PDK1: variants seen among roughly 807,000 people sequenced by gnomAD.
PDK1 encodes [Pyruvate dehydrogenase (acetyl-transferring)] kinase isozyme 1, mitochondrial.
A neutral mutation model predicts 54.2 loss-of-function variants in PDK1; 39 were observed. The ratio of observed to expected loss-of-function variants is 0.72; its 90% CI spans 0.56 to 0.94. The LOEUF (loss-of-function observed/expected upper bound fraction) is 0.94. Among genes scored for constraint, PDK1 ranks in the 40% least tolerant of loss-of-function variants. The pLI, the probability that PDK1 is intolerant of heterozygous loss-of-function variation, is 0.00. For synonymous variants in PDK1, 221 were observed against 207.1 expected (o/e 1.07, Z -0.58); for missense variants, 552 against 566.0 (o/e 0.98, Z 0.25).
chr2:172,675,233 A>G, the PDK1 span, among the ~76,000 whole-genome samples: 2 of 152,118 alleles, frequency 1.3e-5, no homozygotes, highest in Admixed American at 6.5e-5. Context: ...TAATAACCCT[A>G]TAGTGGCCTC....
At position 172,562,685 on chromosome 2, in the gene PDK1, A is replaced by G. The variant is rs1688719870; in HGVS notation, c.410+394A>G. 4 of 964,878 alleles carry G rather than the reference A, an allele frequency of 4.1e-6. No individual in the cohort carries two copies. In the Admixed American group the frequency reaches 7.5e-5, roughly 18 times the overall value. The allele number at this position is 964,878 out of a possible 1,614,324, so 59.8% of individuals were successfully genotyped here. A position where few individuals can be genotyped will look rare whatever the true frequency, so the allele number is the denominator to read the frequency against. On this transcript the variant is annotated intron_variant, in intron 3 of 10. Transcript: ENST00000282077. ...AGCTACAAGTCTAGATTTGTAATGT[A>G]AAATCTCTCACTTTTGAAAGATTGG... is the stretch of plus-strand genomic sequence containing the variant.
the PDK1 span, among the ~76,000 whole-genome samples, chr2:172,650,306 C>T: frequency 1.3e-5 from 2 of 152,168 alleles, no homozygotes; most frequent in Admixed American, 6.5e-5. Context: ...CACCACCAGG[C>T]CTGCCTTGCA....
chr2:172,640,142 G>T, the PDK1 span, among the ~76,000 whole-genome samples: 34 of 152,326 alleles, frequency 2.2e-4, no homozygotes, highest in Non-Finnish European at 4.7e-4. Context: ...ATGGACTACT[G>T]CCAGGAAATT....
At chr2:172,713,261 G>C in the PDK1 span, among the ~76,000 whole-genome samples, 1 of 152,222 alleles carries the variant, frequency 6.6e-6, no homozygotes, top group Non-Finnish European at 1.5e-5. Flanking sequence ...TGTGCTGATT[G>C]GTCCATGAGC....
At chr2:172,662,805 G>A in the PDK1 span, among the ~76,000 whole-genome samples, 1 of 151,986 alleles carries the variant, frequency 6.6e-6, no homozygotes, top group South Asian at 2.1e-4. Context: ...TGCATGACTA[G>A]GCCTTTTCCC....
At chr2:172,703,875 T>C in the PDK1 span, among the ~76,000 whole-genome samples, 2 of 148,494 alleles carry the variant, frequency 1.3e-5, no homozygotes, top group Non-Finnish European at 3.0e-5. Context: ...CAAGTTCAAG[T>C]GATTCTCCTG....
rs1691058298 is a variant in PDK1 at position 172,599,966 on chromosome 2, G to A, written c.*3997G>A. On this transcript the variant is annotated 3_prime_UTR_variant, in exon 11 of 11. Coordinates refer to ENST00000282077, the MANE Select transcript of PDK1 (RefSeq NM_002610.5). ...TCACCCCAGTAAAATAAACTTCCAC[G>A]TGAGAGTTGTGTTCATTCAAGGGTT... 6.6e-6 allele frequency: 1 copy of A among 152,174 alleles called. No individual in the cohort carries two copies. The highest frequency in any genetic ancestry group is 1.5e-5 in the Non-Finnish European group (1 of 68,038). 9.4% of individuals were successfully genotyped at this position (152,174 alleles called of 1,614,324 possible).
rs769489897 is a variant in PDK1, at chr2:172,603,933, C to G, written c.*7964C>G. ...TCCATTTATATTTGGCTGGTAAGAT[C>G]GATGCTTCTGTCACTACTGATGGGC... On this transcript the variant is annotated 3_prime_UTR_variant, in exon 11 of 11. Coordinates refer to ENST00000282077, the MANE Select transcript of PDK1 (RefSeq NM_002610.5). 6.6e-6 allele frequency: 1 copy of G among 152,022 alleles called. No homozygotes were observed. The highest frequency in any genetic ancestry group is 2.1e-4 in the South Asian group (1 of 4,816). The allele number at this position is 152,022 out of a possible 1,614,324, so 9.4% of individuals were successfully genotyped here.
chr2:172,702,831 A>T, the PDK1 span, among the ~76,000 whole-genome samples: 42 of 152,144 alleles, frequency 2.8e-4, no homozygotes, highest in Non-Finnish European at 5.4e-4. Context: ...GGGCAAAACC[A>T]CTGGTACCCT....
At chr2:172,653,653 C>G in the PDK1 span, among the ~76,000 whole-genome samples, 1 of 151,844 alleles carries the variant, frequency 6.6e-6, no homozygotes, top group Non-Finnish European at 1.5e-5. Flanking sequence ...AAATGTTAGA[C>G]CTAAAACCAT....
chr2:172,716,981 C>T, the PDK1 span, among the ~76,000 whole-genome samples: 4 of 152,128 alleles, frequency 2.6e-5, no homozygotes, highest in African/African-American at 9.7e-5. Flanking sequence ...TTGGAGTACT[C>T]GTATTTATTT....
At chr2:172,698,542 C>T in the PDK1 span, among the ~76,000 whole-genome samples, 28,773 of 152,198 alleles carry the variant, frequency 0.19, 3,309 homozygotes, top group African/African-American at 0.32. Context: ...TTATATTCTT[C>T]TAAGCCTAAT....
the PDK1 span, among the ~76,000 whole-genome samples, chr2:172,707,850 G>T: frequency 1.3e-5 from 2 of 152,190 alleles, no homozygotes; most frequent in East Asian, 3.8e-4. Flanking sequence ...TTAGAAAATA[G>T]AAATGTTTGC....
downstream of PDK1, among the ~76,000 whole-genome samples, chr2:172,611,523 G>A (rs556543535): frequency 1.2e-4 from 18 of 152,140 alleles, 1 homozygote; most frequent in South Asian, 2.5e-3. Context: ...AGTCTTTTCC[G>A]GAAAATAGAA....
At chr2:172,693,484 T>C in the PDK1 span, among the ~76,000 whole-genome samples, 1 of 152,254 alleles carries the variant, frequency 6.6e-6, no homozygotes, top group Admixed American at 6.5e-5. Context: ...ATAGGGTTGT[T>C]GTGAAAATTA....
chr2:172,619,654 ATAT>A, the PDK1 span, among the ~76,000 whole-genome samples: 1 of 152,158 alleles, frequency 6.6e-6, no homozygotes. Flanking sequence ...ATATCTCAAA[ATAT>A]TATCTCGCCA....
the PDK1 span, among the ~76,000 whole-genome samples, chr2:172,691,564 T>TATTC: frequency 3.9e-5 from 6 of 152,346 alleles, no homozygotes; most frequent in South Asian, 1.2e-3. Flanking sequence ...GTGCTCTGCC[T>TATTC]ATTCATCCCT....
intron 8 of PDK1, among the ~76,000 whole-genome samples, chr2:172,582,482 G>A (rs1265485211): frequency 2.0e-5 from 3 of 152,312 alleles, no homozygotes; most frequent in East Asian, 3.9e-4. Context: ...TTGACAAGTG[G>A]TGCTTTTGTG....
chr2:172,571,148 T>C (rs1417020642), intron 8 of PDK1, among the ~76,000 whole-genome samples: 1 of 152,200 alleles, frequency 6.6e-6, no homozygotes, highest in Non-Finnish European at 1.5e-5. Context: ...TAGTATTTTA[T>C]ATATAATTTA....
Sources: allele counts gnomAD v4.1 joint callset (sites outside exome capture counted in the v4.1 genomes callset), GRCh38; gene constraint gnomAD v4.1.1; transcripts MANE v1.5; gene names NCBI Gene and HGNC (gene_info 2026-07-23, HGNC 2026-07-21).